The following LONP2 variants were observed in gnomAD, a reference collection of about 807,000 sequenced individuals.
LONP2 encodes the protein lon protease homolog 2, peroxisomal.
A neutral mutation model predicts 85.6 loss-of-function variants in LONP2; 60 were observed. That is an observed-to-expected ratio of 0.70 (90% CI 0.57 to 0.87). The LOEUF (loss-of-function observed/expected upper bound fraction) is 0.87, where lower values mean the gene tolerates loss of function less well. Ranked by LOEUF, LONP2 falls within the 40% of genes least tolerant of loss-of-function variation. The pLI, the probability that LONP2 is intolerant of heterozygous loss-of-function variation, is 0.00. For synonymous variants in LONP2, 395 were observed against 389.7 expected, an observed-to-expected ratio of 1.01 and a Z score of -0.16; for missense variants, 860 against 1,063.5, an observed-to-expected ratio of 0.81 and a Z score of 2.66.
At chr16:48,300,629 C>G (rs1972784113) in intron 10 of LONP2, among the ~76,000 whole-genome samples, 1 of 152,180 alleles carries the variant, frequency 6.6e-6, no homozygotes, top group South Asian at 2.1e-4. Flanking sequence ...TTTGGCCAGA[C>G]TGTCTTTTGA....
intron 11 of LONP2, among the ~76,000 whole-genome samples, chr16:48,320,526 A>AT (rs986248594): frequency 1.3e-5 from 2 of 151,840 alleles, no homozygotes; most frequent in African/African-American, 4.9e-5. Flanking sequence ...AGCCAAGATT[A>AT]TTAAAAAAAA....
chr16:48,347,557 T>A lies in LONP2; in HGVS notation c.1989T>A (p.Thr663=). 6.2e-7 allele frequency: 1 copy of A among 1,614,246 alleles called. No homozygotes were observed. Among genetic ancestry groups the A allele is most frequent in the Non-Finnish European group, 8.5e-7 (1 of 1,180,042 alleles). ...QPGVAIGLAW[T]PLGGEIMFVE... ...GAGTAGCAATAGGTTTGGCTTGGAC[T>A]CCCTTAGGTGGAGAAATCATGTTCG... The change falls in exon 13 of 15, where the codon ACT becomes ACA. Residue 663 remains threonine, a synonymous_variant. Coordinates refer to ENST00000285737, the MANE Select transcript of LONP2 (RefSeq NM_031490.5).
At chr16:48,310,782 T>C (rs1490592576) in intron 11 of LONP2, among the ~76,000 whole-genome samples, 1 of 148,928 alleles carries the variant, frequency 6.7e-6, no homozygotes, top group East Asian at 1.9e-4. Flanking sequence ...GTTTCATGTG[T>C]TTTTATGATA....
At chr16:48,294,626 T>TG (rs1284991212) in intron 8 of LONP2, among the ~76,000 whole-genome samples, 1 of 151,714 alleles carries the variant, frequency 6.6e-6, no homozygotes, top group Non-Finnish European at 1.5e-5. Context: ...ATTAGCCAGG[T>TG]GGGGTGGTAC....
downstream of LONP2, among the ~76,000 whole-genome samples, chr16:48,359,752 T>G (rs1203136198): frequency 6.6e-6 from 1 of 151,082 alleles, no homozygotes; most frequent in African/African-American, 2.4e-5. Context: ...TTATAACCAG[T>G]TCAAAAGATA....
intron 4 of LONP2, among the ~76,000 whole-genome samples, chr16:48,259,399 T>C (rs1011942966): frequency 3.9e-5 from 6 of 152,232 alleles, no homozygotes; most frequent in African/African-American, 1.4e-4. Flanking sequence ...ATTACATTTA[T>C]ATGTATGATG....
intron 9 of LONP2, among the ~76,000 whole-genome samples, chr16:48,296,586 G>A (rs1366019149): frequency 6.6e-6 from 1 of 152,006 alleles, no homozygotes; most frequent in Admixed American, 6.6e-5. Flanking sequence ...AATTAGCCTG[G>A]CATGGTGGCG....
chr16:48,321,142 C>T (rs1973254617), intron 11 of LONP2, among the ~76,000 whole-genome samples: 1 of 152,162 alleles, frequency 6.6e-6, no homozygotes, highest in African/African-American at 2.4e-5. Context: ...GTCTCAGCCT[C>T]CTGAAGTGCT....
At chr16:48,342,398 T>A (rs1215407218) in intron 12 of LONP2, among the ~76,000 whole-genome samples, 1 of 152,166 alleles carries the variant, frequency 6.6e-6, no homozygotes, top group Non-Finnish European at 1.5e-5. Context: ...ACCAACTAAA[T>A]GCCTCAAAGA....
intron 11 of LONP2, among the ~76,000 whole-genome samples, chr16:48,303,896 T>G (rs1441334839): frequency 6.6e-6 from 1 of 152,226 alleles, no homozygotes; most frequent in Non-Finnish European, 1.5e-5. Context: ...CCTTCCAGCT[T>G]CTTTTCTCTG....
chr16:48,357,906 T>G (rs1437289873), downstream of LONP2, among the ~76,000 whole-genome samples: 1 of 152,164 alleles, frequency 6.6e-6, no homozygotes, highest in Admixed American at 6.5e-5. Flanking sequence ...AACTGGCCCA[T>G]GATTAAATAG....
chr16:48,343,474 G>A (rs1959873977), intron 12 of LONP2, among the ~76,000 whole-genome samples: 2 of 152,088 alleles, frequency 1.3e-5, no homozygotes, highest in East Asian at 1.9e-4. Flanking sequence ...TGAGGCAGGT[G>A]GATCATGAGG....
chr16:48,296,380 G>A (rs1192942511), intron 9 of LONP2, among the ~76,000 whole-genome samples: 24 of 152,158 alleles, frequency 1.6e-4, no homozygotes, highest in Admixed American at 1.6e-3. Flanking sequence ...GATTTAATTA[G>A]CATGAAAGAA....
intron 4 of LONP2, 84 bp downstream of exon 4, chr16:48,258,824 C>T: frequency 8.0e-7 from 1 of 1,245,194 alleles, no homozygotes; most frequent in Non-Finnish European, 1.1e-6. Flanking sequence ...AGTTTATTGT[C>T]TCCTACCACT....
Position 48,246,831 on chromosome 16 carries a change from C to T in LONP2, c.233+2210C>T, listed in dbSNP as rs377402282. 8.5e-5 allele frequency among the ~76,000 whole-genome samples: 13 copies of T among 152,108 alleles called. No individual in the cohort carries two copies. The East Asian group carries it at 2.1e-3, about 25-fold the overall frequency. ...CTCAAGCTATCCCCTGCTTTGGCCT[C>T]TGGAGTAGCTGGGACTATAGGCAAG... On this transcript the variant is annotated intron_variant, in intron 1 of 14. Coordinates refer to ENST00000285737, the MANE Select transcript of LONP2 (RefSeq NM_031490.5).
chr16:48,296,599 C>T (rs1025191757), intron 9 of LONP2, among the ~76,000 whole-genome samples: 2 of 151,920 alleles, frequency 1.3e-5, no homozygotes, highest in East Asian at 1.9e-4. Flanking sequence ...TGGTGGCGGG[C>T]GCCTGTAGTC....
intron 12 of LONP2, among the ~76,000 whole-genome samples, chr16:48,335,746 T>G (rs1161972649): frequency 6.6e-6 from 1 of 152,198 alleles, no homozygotes; most frequent in Admixed American, 6.5e-5. Context: ...GTTTATCCAT[T>G]TAAACTCTAA....
chr16:48,349,780 A>G (rs556427092), intron 14 of LONP2, among the ~76,000 whole-genome samples: 1 of 152,374 alleles, frequency 6.6e-6, no homozygotes, highest in South Asian at 2.1e-4. Context: ...AACAAACAGG[A>G]AAATGGAATG....
chr16:48,298,599 C>G (rs1368203563), intron 9 of LONP2, among the ~76,000 whole-genome samples: 1 of 148,400 alleles, frequency 6.7e-6, no homozygotes, highest in South Asian at 2.1e-4. Context: ...GAGCCCTTCC[C>G]TTGGAACCCA....
Sources: gnomAD v4.1 joint callset for allele counts (sites outside exome capture counted in the v4.1 genomes callset) on GRCh38, gnomAD v4.1.1 for gene constraint, MANE v1.5 for transcripts, NCBI Gene and HGNC (gene_info 2026-07-23, HGNC 2026-07-21) for gene names.